STON2: variants seen among roughly 807,000 people sequenced by gnomAD.
STON2 encodes stonin-2.
A neutral mutation model predicts 65.7 loss-of-function variants in STON2; 29 were observed. That is an observed-to-expected ratio of 0.44 (90% CI 0.33 to 0.60). The LOEUF (loss-of-function observed/expected upper bound fraction) is 0.60, where lower values mean the gene tolerates loss of function less well. Among genes scored for constraint, STON2 ranks in the 20% least tolerant of loss-of-function variants. The pLI is 0.03. For missense variants in STON2, 1,054 were observed against 1,118.1 expected, an observed-to-expected ratio of 0.94 and a Z score of 0.82; for synonymous variants, 404 against 414.2, an observed-to-expected ratio of 0.98 and a Z score of 0.30.
chr14:81,356,714 A>G (rs1286528389), intron 4 of STON2, among the ~76,000 whole-genome samples: 5 of 151,960 alleles, frequency 3.3e-5, no homozygotes, highest in Admixed American at 1.3e-4. Flanking sequence ...CAGAGATTCA[A>G]CTTCTTCCTG....
intron 4 of STON2, among the ~76,000 whole-genome samples, chr14:81,328,556 T>C (rs966586627): frequency 6.6e-6 from 1 of 152,172 alleles, no homozygotes; most frequent in Non-Finnish European, 1.5e-5. Context: ...GCTCACTCAG[T>C]GTACTGAGTT....
Position 81,365,806 on chromosome 14 carries a change from ACTT to A in STON2, c.571+5179_571+5181del, listed in dbSNP as rs560725425. On this transcript the variant is annotated intron_variant, in intron 4 of 7. Coordinates refer to ENST00000614646, the MANE Select transcript of STON2 (RefSeq NM_001394390.1). Reference sequence around the variant, plus strand: ...AAAAGAACCCAAACCAAAGACTACTACTTAAGAGCAGCTTGTGTGCAAGCATTT... The same window carrying A: ...AAAAGAACCCAAACCAAAGACTACTAAAGAGCAGCTTGTGTGCAAGCATTT... Among the ~76,000 whole-genome samples the A allele has an allele frequency of 3.9e-5, 6 of 152,208 alleles. No individual in the cohort carries two copies. The South Asian group carries it at 1.2e-3, about 32-fold the overall frequency.
chr14:81,351,564 T>C (rs894187042), intron 4 of STON2, among the ~76,000 whole-genome samples: 1 of 152,182 alleles, frequency 6.6e-6, no homozygotes, highest in African/African-American at 2.4e-5. Flanking sequence ...CAGTAGGACT[T>C]TGTCATGTGG....
intron 1 of STON2, among the ~76,000 whole-genome samples, chr14:81,428,218 G>C (rs1280430877): frequency 6.6e-6 from 1 of 152,174 alleles, no homozygotes; most frequent in East Asian, 1.9e-4. Context: ...TGAAGTAGAG[G>C]GAAATGTAGG....
chr14:81,359,099 G>A (rs1006525799), intron 4 of STON2, among the ~76,000 whole-genome samples: 4 of 152,122 alleles, frequency 2.6e-5, no homozygotes, highest in Admixed American at 6.5e-5. Context: ...TTCTTCTCAA[G>A]TGCATCCAGA....
intron 4 of STON2, among the ~76,000 whole-genome samples, chr14:81,325,100 C>T (rs928269312): frequency 6.6e-6 from 1 of 152,126 alleles, no homozygotes; most frequent in African/African-American, 2.4e-5. Flanking sequence ...TGGTATCCTC[C>T]CACCATACAG....
intron 5 of STON2, among the ~76,000 whole-genome samples, chr14:81,296,548 A>G (rs79365866): frequency 2.6e-5 from 4 of 152,158 alleles, no homozygotes; most frequent in Admixed American, 2.6e-4. Context: ...GCAGCTAGAC[A>G]CACAGCAGAC....
At chr14:81,365,770 A>T (rs1007766215) in intron 4 of STON2, among the ~76,000 whole-genome samples, 10 of 152,092 alleles carry the variant, frequency 6.6e-5, no homozygotes, top group African/African-American at 1.7e-4. Context: ...TAAAAAAATT[A>T]AAAAATAAAA....
At position 81,427,998 on chromosome 14, in the gene STON2, T is replaced by G. The variant is rs570373343; in HGVS notation, c.-309-786A>C. ...ACAAAGTACTTAGCTCCAGCCTCTG[T>G]CTCATGAAATGCTACTCCTCATGTA... On this transcript the variant is annotated intron_variant, in intron 1 of 8. Transcript: ENST00000553821. 2.6e-5 allele frequency among the ~76,000 whole-genome samples: 4 copies of G among 152,278 alleles called. 1 individual carries two copies. Among genetic ancestry groups the G allele is most frequent in the African/African-American group, 9.6e-5 (4 of 41,564 alleles).
At position 81,261,822 on chromosome 14, in the gene STON2, AAAG is replaced by A. The variant is rs1894156055; in HGVS notation, c.*6589_*6591del. The stretch of plus-strand genomic sequence containing the variant: ...GATAGATGATGCCAGTGGAACTTCC[AAAG>A]AAGCATTCCACCTGATCTTCACCAC... On this transcript the variant is annotated 3_prime_UTR_variant, in exon 8 of 8. Transcript: ENST00000614646. The A allele has an allele frequency of 1.3e-6, 2 of 1,531,704 alleles. No individual in the cohort carries two copies. The highest frequency in any genetic ancestry group is 1.2e-5 in the South Asian group (1 of 83,296). 94.9% of individuals were successfully genotyped at this position (1,531,704 alleles called of 1,614,324 possible). A position where few individuals can be genotyped will look rare whatever the true frequency, so the allele number is the denominator to read the frequency against.
rs1219211577 is a variant in STON2 at position 81,367,183 on chromosome 14, C to CT, written c.571+3804dup. Reference sequence around the variant, plus strand: ...CTCATCTGAAAGCATTTTTTTCTTCCTTTTTTTTTTTGTGAGACCAAGTCT... The same window carrying CT: ...CTCATCTGAAAGCATTTTTTTCTTCCTTTTTTTTTTTTGTGAGACCAAGTCT... On this transcript the variant is annotated intron_variant, in intron 4 of 7. Coordinates refer to ENST00000614646, the MANE Select transcript of STON2 (RefSeq NM_001394390.1). Among the ~76,000 whole-genome samples the CT allele has an allele frequency of 1.7e-3, 252 of 146,922 alleles. 1 individual carries two copies. The highest frequency in any genetic ancestry group is 2.8e-3 in the African/African-American group (115 of 40,408).
chr14:81,363,386 T>C (rs182363486), intron 4 of STON2, among the ~76,000 whole-genome samples: 8 of 152,284 alleles, frequency 5.3e-5, no homozygotes, highest in Non-Finnish European at 1.2e-4. Context: ...TGGGAAAATA[T>C]CACATAGCTT....
At chr14:81,348,480 G>T (rs1414361507) in intron 4 of STON2, among the ~76,000 whole-genome samples, 1 of 151,906 alleles carries the variant, frequency 6.6e-6, no homozygotes, top group African/African-American at 2.4e-5. Context: ...AGCTGAGAAA[G>T]AAATAAAGCA....
intron 4 of STON2, among the ~76,000 whole-genome samples, chr14:81,331,505 G>C (rs372649771): frequency 1.3e-5 from 2 of 152,174 alleles, no homozygotes; most frequent in South Asian, 2.1e-4. Context: ...TACTGGGAGG[G>C]GGGGTACAGA....
chr14:81,347,728 ACC>A (rs1394257781), intron 4 of STON2, among the ~76,000 whole-genome samples: 1 of 127,792 alleles, frequency 7.8e-6, no homozygotes, highest in Non-Finnish European at 1.7e-5. Flanking sequence ...AAAATGTGAG[ACC>A]CCCTCCCCCT....
intron 5 of STON2, among the ~76,000 whole-genome samples, chr14:81,314,782 C>T (rs1019492359): frequency 3.9e-5 from 6 of 152,252 alleles, no homozygotes; most frequent in Non-Finnish European, 8.8e-5. Flanking sequence ...CAACTTTCCT[C>T]TGTAGCTTCC....
chr14:81,412,962 G>T, intron 2 of STON2: 1 of 986,438 alleles, frequency 1.0e-6, no homozygotes, highest in South Asian at 1.5e-5. Flanking sequence ...CCTTCTCCAT[G>T]GGTAACCATG....
At chr14:81,411,002 T>C (rs932900822) in intron 2 of STON2, among the ~76,000 whole-genome samples, 4 of 152,258 alleles carry the variant, frequency 2.6e-5, no homozygotes, top group Non-Finnish European at 5.9e-5. Flanking sequence ...ATGGGTATTC[T>C]CTCGCCAGGT....
Position 81,337,576 on chromosome 14 carries a change from G to A in STON2, c.572-13389C>T, listed in dbSNP as rs751861386. Among the ~76,000 whole-genome samples, 17 of 152,156 alleles carry A rather than the reference G, an allele frequency of 1.1e-4. 1 individual carries two copies. The highest frequency in any genetic ancestry group is 1.9e-4 in the Non-Finnish European group (13 of 68,030). On this transcript the variant is annotated intron_variant, in intron 4 of 7. Coordinates refer to ENST00000614646, the MANE Select transcript of STON2 (RefSeq NM_001394390.1). ...TTGGGGAAGGCCTGTATGAGGAGGTGACAATTGAGCAGAGACATGAATGGA... is the reference window on the plus strand; with the variant it reads ...TTGGGGAAGGCCTGTATGAGGAGGTAACAATTGAGCAGAGACATGAATGGA...
Sources: gnomAD v4.1 joint callset for allele counts (sites outside exome capture counted in the v4.1 genomes callset) on GRCh38, gnomAD v4.1.1 for gene constraint, MANE v1.5 for transcripts, NCBI Gene and HGNC (gene_info 2026-07-23, HGNC 2026-07-21) for gene names.